Variants in VAV2 observed in about 807,000 individuals in gnomAD.
VAV2 encodes guanine nucleotide exchange factor VAV2.
Under a neutral mutation model 132.5 loss-of-function variants are expected in VAV2, and 67 were observed. The observed-to-expected ratio is 0.51, with a 90% CI of 0.42 to 0.62. VAV2 has a LOEUF of 0.62. Among genes scored for constraint, VAV2 ranks in the 20% least tolerant of loss-of-function variants. The pLI, the probability that VAV2 is intolerant of heterozygous loss-of-function variation, is 0.00. For synonymous variants in VAV2, 492 were observed against 443.5 expected (o/e 1.11, Z -1.37); for missense variants, 938 against 1,153.6 (o/e 0.81, Z 2.71).
At chr9:133,982,864 G>A (rs1842741311) in intron 1 of VAV2, among the ~76,000 whole-genome samples, 1 of 152,200 alleles carries the variant, frequency 6.6e-6, no homozygotes. Flanking sequence ...TAAATTTCAT[G>A]GGAGCATTGC....
chr9:133,854,106 C>A (rs73555903), intron 3 of VAV2, among the ~76,000 whole-genome samples: 2,675 of 144,422 alleles, frequency 0.019, 65 homozygotes, highest in African/African-American at 0.067. Context: ...CACATGCACA[C>A]ACATACCCCT....
intron 3 of VAV2, among the ~76,000 whole-genome samples, chr9:133,837,427 G>A (rs1397581806): frequency 1.3e-5 from 2 of 152,196 alleles, no homozygotes; most frequent in African/African-American, 2.4e-5. Flanking sequence ...CAGGCGCGGT[G>A]GCTCACACCT....
intron 2 of VAV2, among the ~76,000 whole-genome samples, chr9:133,868,173 C>T (rs185901352): frequency 6.6e-6 from 1 of 152,380 alleles, no homozygotes; most frequent in East Asian, 1.9e-4. Context: ...GCTTCTCGAT[C>T]TGAAGTAACG....
At position 133,802,252 on chromosome 9, in the gene VAV2, T is replaced by C. The variant is rs1405891110; in HGVS notation, c.836+3829A>G. ...AAGAAAAAGGAGCCAAAACTTGGAA[T>C]AACACACACGGGCACACATGTATGC... is the stretch of plus-strand genomic sequence containing the variant. On this transcript the variant is annotated intron_variant, in intron 9 of 29. Coordinates refer to ENST00000371850, the MANE Select transcript of VAV2 (RefSeq NM_001134398.2). The surrounding 1 kb of genome is among the most constrained non-coding windows in gnomAD (Gnocchi z 5.8). Among the ~76,000 whole-genome samples the C allele has an allele frequency of 6.6e-6, 1 of 150,632 alleles. No individual in the cohort carries two copies. Among genetic ancestry groups the C allele is most frequent in the East Asian group, 1.9e-4 (1 of 5,144 alleles).
chr9:133,882,811 C>A (rs1838551715), intron 2 of VAV2, among the ~76,000 whole-genome samples: 1 of 152,086 alleles, frequency 6.6e-6, no homozygotes, highest in African/African-American at 2.4e-5. Context: ...AAGGTGACCC[C>A]TGGGGCCCCT....
rs1387741105 is a variant in VAV2, at chr9:133,895,949, T to A, written c.322-34517A>T. Among the ~76,000 whole-genome samples, 4 of 81,916 alleles carry A rather than the reference T, an allele frequency of 4.9e-5. 1 individual carries two copies. Among genetic ancestry groups the A allele is most frequent in the African/African-American group, 1.1e-4 (2 of 17,552 alleles). The allele number at this position is 81,916 out of a possible 152,430, so 53.7% of individuals were successfully genotyped here. ...AAATCTTTTTTTTTTTTTTTTTTTTTAATTGATCATTCTTGGGTGTTTCTC... is the reference window on the plus strand; with the variant it reads ...AAATCTTTTTTTTTTTTTTTTTTTTAAATTGATCATTCTTGGGTGTTTCTC... On this transcript the variant is annotated intron_variant, in intron 2 of 29. Coordinates refer to ENST00000371850, the MANE Select transcript of VAV2 (RefSeq NM_001134398.2).
chr9:133,900,772 T>G lies in VAV2; in HGVS notation c.321+38331A>C, dbSNP rs1244850049. ...TCAATCTACCTCCTGTCTTGATTTA[T>G]TTATTTATTTATTTATTTATTTATT... On this transcript the variant is annotated intron_variant, in intron 2 of 29. Transcript: ENST00000371850. 3.1e-5 allele frequency among the ~76,000 whole-genome samples: 3 copies of G among 97,470 alleles called. No individual in the cohort carries two copies. In the East Asian group the frequency reaches 1.0e-3, roughly 32 times the overall value. The allele number at this position is 97,470 out of a possible 152,430, so 63.9% of individuals were successfully genotyped here. A position where few individuals can be genotyped will look rare whatever the true frequency, so the allele number is the denominator to read the frequency against.
intron 1 of VAV2, among the ~76,000 whole-genome samples, chr9:133,957,195 C>A (rs1481812856): frequency 2.0e-5 from 3 of 152,168 alleles, no homozygotes; most frequent in Non-Finnish European, 2.9e-5. Flanking sequence ...CTCCCCTGTA[C>A]CAGCTGCTGC....
chr9:133,844,831 G>A (rs1191100147), intron 3 of VAV2, among the ~76,000 whole-genome samples: 1 of 152,244 alleles, frequency 6.6e-6, no homozygotes, highest in Admixed American at 6.5e-5. Flanking sequence ...CAAGGCTTGG[G>A]TCTGCCCAAG....
At position 133,992,288 on chromosome 9, in the gene VAV2, G is replaced by C. The variant is rs533361404; in HGVS notation, c.-10C>G. The C allele has an allele frequency of 2.0e-5, 31 of 1,525,646 alleles. No homozygotes were observed. In the South Asian group the frequency reaches 3.2e-4, roughly 16 times the overall value. 94.5% of individuals were successfully genotyped at this position (1,525,646 alleles called of 1,614,324 possible). The stretch of plus-strand genomic sequence containing the variant: ...GCCGCCACTGCTCCATGGCGCCCGC[G>C]GGCCCGACCGGCTCAGGGCAGTGCT... On this transcript the variant is annotated 5_prime_UTR_variant, in exon 1 of 30. Coordinates refer to ENST00000371850, the MANE Select transcript of VAV2 (RefSeq NM_001134398.2). The surrounding 1 kb of genome is among the most constrained non-coding windows in gnomAD (Gnocchi z 5.5).
At chr9:133,872,352 G>A (rs1387501556) in intron 2 of VAV2, among the ~76,000 whole-genome samples, 3 of 152,254 alleles carry the variant, frequency 2.0e-5, no homozygotes, top group Non-Finnish European at 2.9e-5. Flanking sequence ...GTGGGTGACT[G>A]CGAGTCTAAC....
intron 7 of VAV2, among the ~76,000 whole-genome samples, chr9:133,807,618 C>T (rs946368464): frequency 3.3e-5 from 5 of 152,150 alleles, no homozygotes; most frequent in African/African-American, 9.7e-5. Flanking sequence ...CTGAGGTGGG[C>T]GTTGGGGTTG....
Position 133,763,109 on chromosome 9 carries a change from A to G in VAV2, c.*953T>C, listed in dbSNP as rs1327283423. 6.6e-6 allele frequency: 1 copy of G among 152,166 alleles called. No individual in the cohort carries two copies. The highest frequency in any genetic ancestry group is 1.5e-5 in the Non-Finnish European group (1 of 67,970). The allele number at this position is 152,166 out of a possible 1,614,324, so 9.4% of individuals were successfully genotyped here. A position where few individuals can be genotyped will look rare whatever the true frequency, so the allele number is the denominator to read the frequency against. On this transcript the variant is annotated 3_prime_UTR_variant, in exon 30 of 30. Transcript: ENST00000371850. This position sits in a 1 kb window ranked among gnomAD's most constrained non-coding sequence, Gnocchi z 6.8. ...GAAGCCCTGCCAGGGGCTGGAACCA[A>G]CCTCTCGTGCCAAGGCTGGGCAGAC...
chr9:133,928,587 GT>G lies in VAV2; in HGVS notation c.321+10515del, dbSNP rs1840565144. ...CAGAAAGGCCTCGGGTGAGCACAGA[GT>G]CTTCTGCACTCAGCAAATTAATGAA... On this transcript the variant is annotated intron_variant, in intron 2 of 29. Transcript: ENST00000371850. The surrounding 1 kb of genome is among the most constrained non-coding windows in gnomAD (Gnocchi z 5.4). Among the ~76,000 whole-genome samples, 1 of 152,188 alleles carries G rather than the reference GT, an allele frequency of 6.6e-6. No individual in the cohort carries two copies. Among genetic ancestry groups the G allele is most frequent in the Admixed American group, 6.5e-5 (1 of 15,286 alleles).
At chr9:133,841,332 C>T (rs1469224673) in intron 3 of VAV2, among the ~76,000 whole-genome samples, 2 of 152,006 alleles carry the variant, frequency 1.3e-5, no homozygotes, top group Non-Finnish European at 2.9e-5. Flanking sequence ...ATCTCGGATG[C>T]AGCACTGGGC....
chr9:133,765,846 T>C (rs994000238), intron 29 of VAV2, among the ~76,000 whole-genome samples: 5 of 152,182 alleles, frequency 3.3e-5, no homozygotes, highest in Admixed American at 2.0e-4. Context: ...GTGCAAATGA[T>C]AAAGCAAATG....
intron 2 of VAV2, among the ~76,000 whole-genome samples, chr9:133,937,501 CGT>C (rs1012760128): frequency 2.6e-4 from 5 of 19,080 alleles, no homozygotes; most frequent in African/African-American, 4.8e-4. Context: ...AGAGTGTGTG[CGT>C]GTGAGTGTGT....
At chr9:133,891,987 G>A (rs1838995483) in intron 2 of VAV2, among the ~76,000 whole-genome samples, 1 of 139,366 alleles carries the variant, frequency 7.2e-6, no homozygotes, top group African/African-American at 2.7e-5. Flanking sequence ...TGGAGAGAGA[G>A]GGAGAGAGGA....
chr9:133,877,112 C>T (rs927283209), intron 2 of VAV2, among the ~76,000 whole-genome samples: 1 of 152,182 alleles, frequency 6.6e-6, no homozygotes, highest in African/African-American at 2.4e-5. Flanking sequence ...ACCACCACCC[C>T]ATTTCTGTTT....
Sources: allele counts gnomAD v4.1 joint callset (sites outside exome capture counted in the v4.1 genomes callset), GRCh38; gene constraint gnomAD v4.1.1; non-coding constraint Gnocchi (gnomAD v3.1); transcripts MANE v1.5; gene names NCBI Gene and HGNC (gene_info 2026-07-23, HGNC 2026-07-21).